PDZD2: variants seen among roughly 807,000 people sequenced by gnomAD.
PDZD2 encodes PDZ domain containing 2, also known as PDZ domain-containing protein 2.
In PDZD2, 90 loss-of-function variants were observed where a neutral mutation model predicts 220.7. The observed-to-expected ratio is 0.41, with a 90% confidence interval of 0.34 to 0.49. PDZD2 has a LOEUF of 0.49. Among genes scored for constraint, PDZD2 ranks in the 20% least tolerant of loss-of-function variants. The pLI is 0.28. For synonymous variants in PDZD2, 1,375 were observed against 1,450.5 expected (o/e 0.95, Z 1.18); for missense variants, 3,174 against 3,608.5 (o/e 0.88, Z 3.08).
intron 3 of PDZD2, among the ~76,000 whole-genome samples, chr5:31,987,401 C>T (rs1750805531): frequency 6.6e-6 from 1 of 152,202 alleles, no homozygotes; most frequent in African/African-American, 2.4e-5. Flanking sequence ...CCTGGATCTG[C>T]ATCTGCAGAA....
chr5:31,883,818 T>C (rs1261890049), intron 2 of PDZD2, among the ~76,000 whole-genome samples: 2 of 152,100 alleles, frequency 1.3e-5, no homozygotes. Context: ...GCCAGGATGG[T>C]CTGGAACTCC....
chr5:31,771,893 G>A (rs1198505505), intron 1 of PDZD2, among the ~76,000 whole-genome samples: 3 of 152,012 alleles, frequency 2.0e-5, no homozygotes, highest in African/African-American at 7.3e-5. Flanking sequence ...GAGATAATTA[G>A]ATTAGATGAG....
intron 2 of PDZD2, among the ~76,000 whole-genome samples, chr5:31,819,450 A>G (rs1295417049): frequency 2.6e-5 from 4 of 152,054 alleles, no homozygotes; most frequent in African/African-American, 4.8e-5. Flanking sequence ...TGAGGTCAGG[A>G]GTTGAAGACC....
At chr5:31,811,991 A>AAAATAAATAAATAAATAAAT (rs369835690) in intron 2 of PDZD2, among the ~76,000 whole-genome samples, 1 of 138,788 alleles carries the variant, frequency 7.2e-6, no homozygotes, top group Non-Finnish European at 1.6e-5. Context: ...CTCTGTCTCA[A>AAAATAAATAAATAAATAAAT]AAATAAATAA....
chr5:32,017,022 G>A (rs1191217929), intron 6 of PDZD2, among the ~76,000 whole-genome samples: 3 of 152,142 alleles, frequency 2.0e-5, no homozygotes, highest in African/African-American at 7.2e-5. Flanking sequence ...ATGGATGGTT[G>A]GACAGATGTG....
chr5:31,885,235 AT>A (rs113324473), intron 2 of PDZD2, among the ~76,000 whole-genome samples: 30 of 146,346 alleles, frequency 2.0e-4, no homozygotes, highest in South Asian at 4.4e-4. Flanking sequence ...AAGCAGTGGG[AT>A]TTTTTTTTTT....
intron 2 of PDZD2, chr5:31,840,387 T>A (rs1473932417): frequency 3.9e-5 from 5 of 127,558 alleles, no homozygotes; most frequent in Non-Finnish European, 6.4e-5. Context: ...CAAAGAGTAG[T>A]CATTTTCATT....
chr5:31,752,073 G>GCTTTTTTTTTTTT (rs1751017942), intron 1 of PDZD2, among the ~76,000 whole-genome samples: 1 of 95,064 alleles, frequency 1.1e-5, no homozygotes, highest in Non-Finnish European at 2.0e-5. Flanking sequence ...TTTTGGGTTT[G>GCTTTTTTTTTTTT]TTTTTTTTTT....
chr5:32,032,915 G>T (rs1172066958), intron 6 of PDZD2, among the ~76,000 whole-genome samples: 2 of 152,164 alleles, frequency 1.3e-5, no homozygotes, highest in South Asian at 2.1e-4. Flanking sequence ...TGCTAAAGAT[G>T]CTTCTTCATT....
chr5:31,921,422 G>A (rs536883500), intron 2 of PDZD2, among the ~76,000 whole-genome samples: 33 of 152,098 alleles, frequency 2.2e-4, no homozygotes, highest in Non-Finnish European at 4.3e-4. Context: ...AGTGGCTCAC[G>A]CCTGTAATCC....
chr5:31,864,503 A>G (rs1738008458), intron 2 of PDZD2, among the ~76,000 whole-genome samples: 1 of 149,914 alleles, frequency 6.7e-6, no homozygotes, highest in Non-Finnish European at 1.5e-5. Flanking sequence ...CGTTTACTAC[A>G]TCTGAATTTG....
chr5:31,849,855 C>G (rs1455550360), intron 2 of PDZD2, among the ~76,000 whole-genome samples: 3 of 133,574 alleles, frequency 2.2e-5, no homozygotes, highest in Non-Finnish European at 3.1e-5. Context: ...CTCTCTCTCT[C>G]TCTCATATAT....
At chr5:32,031,574 C>T (rs2112195518) in intron 6 of PDZD2, among the ~76,000 whole-genome samples, 1 of 152,272 alleles carries the variant, frequency 6.6e-6, no homozygotes, top group East Asian at 1.9e-4. Flanking sequence ...ATTGGTTTCT[C>T]TTTATTCTTT....
intron 19 of PDZD2, among the ~76,000 whole-genome samples, chr5:32,079,286 A>T (rs1160948137): frequency 6.6e-6 from 1 of 150,448 alleles, no homozygotes; most frequent in Non-Finnish European, 1.5e-5. Flanking sequence ...AAAACAAAAA[A>T]AAAAAAGGAA....
At position 32,110,901 on chromosome 5, in the gene PDZD2, T is replaced by A. The variant is rs916112785; in HGVS notation, c.*2766T>A. 1.4e-4 allele frequency: 21 copies of A among 152,100 alleles called. No individual in the cohort carries two copies. The highest frequency in any genetic ancestry group is 5.8e-4 in the East Asian group (3 of 5,188). 9.4% of individuals were successfully genotyped at this position (152,100 alleles called of 1,614,324 possible). ...GTAAACAACCTTTTTTAAGTAATTT[T>A]AAAAAAAATAAACACTCTGCTTACT... On this transcript the variant is annotated 3_prime_UTR_variant, in exon 25 of 25. Coordinates refer to ENST00000438447, the MANE Select transcript of PDZD2 (RefSeq NM_178140.4).
intron 2 of PDZD2, among the ~76,000 whole-genome samples, chr5:31,850,725 C>T (rs1820753): frequency 0.27 from 39,974 of 150,544 alleles, 5,575 homozygotes; most frequent in African/African-American, 0.33. Flanking sequence ...CAACCTCCGC[C>T]TCCTGGGTTC....
chr5:32,052,421 C>T, intron 8 of PDZD2, 190 bp from the exon 9 acceptor site: 3 of 516,088 alleles, frequency 5.8e-6, no homozygotes, highest in East Asian at 3.6e-5. Flanking sequence ...GCTGGGATTA[C>T]AGGCATGAGC....
At chr5:31,913,522 C>G (rs1213850707) in intron 2 of PDZD2, among the ~76,000 whole-genome samples, 1 of 152,040 alleles carries the variant, frequency 6.6e-6, no homozygotes, top group African/African-American at 2.4e-5. Context: ...AATGTACAAA[C>G]TCTGGATGCA....
At chr5:31,965,860 T>C (rs1748700409) in intron 2 of PDZD2, among the ~76,000 whole-genome samples, 1 of 151,994 alleles carries the variant, frequency 6.6e-6, no homozygotes. Flanking sequence ...GATCGCACCA[T>C]TGCACTCCAG....
Sources: gnomAD v4.1 joint callset for allele counts (sites outside exome capture counted in the v4.1 genomes callset) on GRCh38, gnomAD v4.1.1 for gene constraint, MANE v1.5 for transcripts, NCBI Gene and HGNC (gene_info 2026-07-23, HGNC 2026-07-21) for gene names.